The following TIAM1 variants were observed in gnomAD, a reference collection of about 807,000 sequenced individuals.
TIAM1 encodes the protein rho guanine nucleotide exchange factor TIAM1.
TIAM1 carries 65 observed loss-of-function variants against 163.5 expected under a neutral mutation model. The observed-to-expected ratio is 0.40, with a 90% CI of 0.33 to 0.49. TIAM1 has a LOEUF of 0.49. TIAM1 is among the 20% of genes least tolerant of loss of function. The probability of loss-of-function intolerance (pLI) is 0.77; values close to 1 mark genes in which losing one functional copy is unlikely to be tolerated. For synonymous variants in TIAM1, 833 were observed against 810.1 expected, an observed-to-expected ratio of 1.03 and a Z score of -0.48; for missense variants, 1,789 against 2,044.7, an observed-to-expected ratio of 0.87 and a Z score of 2.41.
At chr21:31,284,771 C>T (rs1365471329) in intron 2 of TIAM1, among the ~76,000 whole-genome samples, 5 of 151,970 alleles carry the variant, frequency 3.3e-5, no homozygotes, top group Non-Finnish European at 7.4e-5. Context: ...AGTGATCAGC[C>T]CACTTTGGCT....
rs1386669137 is a variant in TIAM1 at position 31,127,106 on chromosome 21, C to G, written c.4092G>C (p.Glu1364Asp). The change falls in exon 26 of 28, where the codon GAG (glutamate) becomes GAC (aspartate). Residue 1364 changes from glutamate to aspartate, a missense_variant. By Grantham distance (45) the Glu-to-Asp change is conservative. This residue lies in a region of TIAM1 where 415 missense variants were observed against 439.2 expected (regional missense o/e 0.94). Coordinates refer to ENST00000541036, the MANE Select transcript of TIAM1 (RefSeq NM_001353694.2). Reference sequence around the variant, plus strand: ...AGACCCTCTCCGGCCTCCCTTCAGACTCGGATTTTACATGGACAATTTCAC... The same window carrying G: ...AGACCCTCTCCGGCCTCCCTTCAGAGTCGGATTTTACATGGACAATTTCAC... ...AVCEIVHVKS[E>D]SEGRPERVFH... The G allele has an allele frequency of 6.2e-7, 1 of 1,613,992 alleles. No homozygotes were observed. Among genetic ancestry groups the G allele is most frequent in the Non-Finnish European group, 8.5e-7 (1 of 1,179,956 alleles).
At chr21:31,348,581 T>G (rs548347369), upstream of TIAM1, among the ~76,000 whole-genome samples, 1 of 152,348 alleles carries the variant, frequency 6.6e-6, no homozygotes, top group South Asian at 2.1e-4. Context: ...ATAACTACAT[T>G]TTGTGGTTGA....
chr21:31,337,843 A>G (rs901069048), intron 2 of TIAM1, among the ~76,000 whole-genome samples: 1 of 151,910 alleles, frequency 6.6e-6, no homozygotes, highest in African/African-American at 2.4e-5. Flanking sequence ...TATTATTTAT[A>G]TGATTATTTT....
intron 2 of TIAM1, among the ~76,000 whole-genome samples, chr21:31,388,362 C>T (rs910701807): frequency 4.6e-5 from 7 of 151,806 alleles, no homozygotes; most frequent in South Asian, 2.1e-4. Context: ...AGTGCAGAGC[C>T]GGGCATGGTG....
chr21:31,374,308 T>C (rs2076649130), intron 2 of TIAM1, among the ~76,000 whole-genome samples: 1 of 152,092 alleles, frequency 6.6e-6, no homozygotes, highest in South Asian at 2.1e-4. Flanking sequence ...GGGCAAACGA[T>C]CAAAAACTAT....
intron 2 of TIAM1, among the ~76,000 whole-genome samples, chr21:31,320,011 A>G (rs1601947731): frequency 1.3e-5 from 2 of 152,188 alleles, no homozygotes; most frequent in East Asian, 3.8e-4. Flanking sequence ...TTATAGCAGC[A>G]TTATTCACAA....
At chr21:31,227,363 A>G (rs1420913610) in intron 6 of TIAM1, among the ~76,000 whole-genome samples, 2 of 152,156 alleles carry the variant, frequency 1.3e-5, no homozygotes, top group Non-Finnish European at 2.9e-5. Context: ...TTATTTCTGA[A>G]TCTGATCAGT....
intron 2 of TIAM1, among the ~76,000 whole-genome samples, chr21:31,335,756 A>C (rs186727927): frequency 2.7e-4 from 41 of 152,286 alleles, no homozygotes; most frequent in African/African-American, 9.4e-4. Flanking sequence ...TTCTAGAGTT[A>C]ATATGACCAT....
chr21:31,224,525 G>C (rs1475947982), intron 7 of TIAM1, among the ~76,000 whole-genome samples: 1 of 152,200 alleles, frequency 6.6e-6, no homozygotes, highest in Non-Finnish European at 1.5e-5. Flanking sequence ...GAAATATCTA[G>C]AATAGGCAAA....
chr21:31,319,458 A>G (rs1430043582), intron 2 of TIAM1, among the ~76,000 whole-genome samples: 1 of 152,058 alleles, frequency 6.6e-6, no homozygotes, highest in African/African-American at 2.4e-5. Context: ...ATTCCTTCCA[A>G]TACTTTATTA....
chr21:31,125,637 T>C (rs2082168213), intron 26 of TIAM1, among the ~76,000 whole-genome samples: 1 of 152,188 alleles, frequency 6.6e-6, no homozygotes, highest in Admixed American at 6.5e-5. Flanking sequence ...TGCAGTGGTA[T>C]GATCTTGGCT....
intron 2 of TIAM1, among the ~76,000 whole-genome samples, chr21:31,428,887 A>G (rs535379618): frequency 1.8e-4 from 28 of 151,980 alleles, no homozygotes; most frequent in African/African-American, 6.8e-4. Flanking sequence ...TGTCTCAAAA[A>G]AAAAAAAAAG....
intron 16 of TIAM1, among the ~76,000 whole-genome samples, chr21:31,157,110 T>C (rs889222774): frequency 1.3e-5 from 2 of 152,216 alleles, no homozygotes; most frequent in Non-Finnish European, 2.9e-5. Flanking sequence ...CAAGTTAAGT[T>C]CCTACAGCAC....
intron 2 of TIAM1, among the ~76,000 whole-genome samples, chr21:31,458,351 C>T (rs1027222793): frequency 5.9e-5 from 9 of 151,470 alleles, no homozygotes; most frequent in Admixed American, 1.3e-4. Context: ...ACCCGGGAGA[C>T]GGAGGTTGCA....
chr21:31,182,578 C>T lies in TIAM1; in HGVS notation c.2730G>A (p.Met910Ile). Reference protein sequence around the residue: ...NRAADALNSSMLKDFLSQPSL... With the variant: ...NRAADALNSSILKDFLSQPSL... ...AGGGCTGTGAGAGGAAATCTTTGAG[C>T]ATAGAAGAGTTCAGGGCGTCAGCAG... is the stretch of plus-strand genomic sequence containing the variant. Residue 910 changes from methionine (M) to isoleucine (I), a missense_variant, in exon 15 of 28, where the codon ATG (methionine) becomes ATA (isoleucine). Met to Ile is a conservative substitution (Grantham distance 10, BLOSUM62 1). Around this residue, in one of 5 missense-constraint regions of TIAM1, gnomAD observed 303 missense variants for 321.3 expected, o/e 0.94. Coordinates refer to ENST00000541036, the MANE Select transcript of TIAM1 (RefSeq NM_001353694.2). The T allele has an allele frequency of 6.2e-7, 1 of 1,614,108 alleles. No homozygotes were observed. Among genetic ancestry groups the T allele is most frequent in the Non-Finnish European group, 8.5e-7 (1 of 1,179,984 alleles).
chr21:31,313,648 C>T (rs1211487578), intron 2 of TIAM1, among the ~76,000 whole-genome samples: 1 of 152,178 alleles, frequency 6.6e-6, no homozygotes, highest in African/African-American at 2.4e-5. Context: ...AATCTTGGCT[C>T]ACCGCAACCT....
In TIAM1 at chr21:31,474,789, G is replaced by A. The variant is rs147300023; in HGVS notation, c.-421-10754C>T. ...TCGAACTCCCGACCTCAGTTGATCCGCCTGCCTTGGCCTCTCAAAGTGCTG... is the reference window on the plus strand; with the variant it reads ...TCGAACTCCCGACCTCAGTTGATCCACCTGCCTTGGCCTCTCAAAGTGCTG... On this transcript the variant is annotated intron_variant, in intron 1 of 28. Transcript: ENST00000286827. 2.3e-3 allele frequency among the ~76,000 whole-genome samples: 352 copies of A among 151,732 alleles called. 2 individuals carry two copies. Among genetic ancestry groups the A allele is most frequent in the African/African-American group, 7.3e-3 (302 of 41,420 alleles).
At chr21:31,148,785 T>C (rs1031972069) in intron 19 of TIAM1, among the ~76,000 whole-genome samples, 2 of 152,150 alleles carry the variant, frequency 1.3e-5, no homozygotes, top group Non-Finnish European at 2.9e-5. Context: ...TTCCCCAATG[T>C]TTCTGTTCTG....
intron 1 of TIAM1, among the ~76,000 whole-genome samples, chr21:31,339,915 G>A (rs987362622): frequency 3.3e-5 from 5 of 152,096 alleles, no homozygotes; most frequent in African/African-American, 1.2e-4. Context: ...TCATGAAAAC[G>A]ACGCCTCCTT....
Sources: allele counts gnomAD v4.1 joint callset (sites outside exome capture counted in the v4.1 genomes callset), GRCh38; gene constraint gnomAD v4.1.1; regional missense constraint gnomAD v4.1.1; transcripts MANE v1.5; gene names NCBI Gene and HGNC (gene_info 2026-07-23, HGNC 2026-07-21).